The following FAM193A variants were observed in gnomAD, a reference collection of about 807,000 sequenced individuals.
The protein encoded by FAM193A is family with sequence similarity 193 member A, also known as protein FAM193A.
In FAM193A, 22 loss-of-function variants were observed where a neutral mutation model predicts 126.5. That is an observed-to-expected ratio of 0.17 (90% CI 0.12 to 0.25). The LOEUF is 0.25. FAM193A is among the 10% of genes least tolerant of loss of function. FAM193A has a pLI of 1.00. For missense variants in FAM193A, 1,675 were observed against 1,672.8 expected (o/e 1.00, Z -0.02); for synonymous variants, 761 against 646.8 (o/e 1.18, Z -2.68).
intron 1 of FAM193A, among the ~76,000 whole-genome samples, chr4:2,567,199 T>A (rs751453665): frequency 1.5e-4 from 23 of 151,800 alleles, no homozygotes; most frequent in Non-Finnish European, 3.1e-4. Context: ...CCACCCGCCT[T>A]TGCCTCCCAA....
intron 13 of FAM193A, among the ~76,000 whole-genome samples, chr4:2,681,987 G>GTT (rs1346813634): frequency 0.019 from 2,267 of 121,822 alleles, 114 homozygotes; most frequent in African/African-American, 0.067. Context: ...TTTTTTTTTG[G>GTT]TTTTTTTTTT....
At chr4:2,563,533 A>C (rs1738754881) in intron 1 of FAM193A, among the ~76,000 whole-genome samples, 1 of 151,890 alleles carries the variant, frequency 6.6e-6, no homozygotes, top group East Asian at 1.9e-4. Flanking sequence ...TACAAAAAAA[A>C]ACAAAAAAAA....
intron 13 of FAM193A, among the ~76,000 whole-genome samples, chr4:2,683,570 G>A (rs1335602234): frequency 6.6e-6 from 1 of 152,240 alleles, no homozygotes; most frequent in Non-Finnish European, 1.5e-5. Flanking sequence ...TGAGATTACA[G>A]GCATGAGCCA....
chr4:2,607,310 CT>C (rs1403942706), intron 2 of FAM193A, among the ~76,000 whole-genome samples: 1 of 152,188 alleles, frequency 6.6e-6, no homozygotes, highest in Non-Finnish European at 1.5e-5. Context: ...CACTAGCATG[CT>C]TTGCTCCTGC....
rs574340511 is a variant in FAM193A at position 2,556,030 on chromosome 4, G to T, written c.255+18860G>T. Among the ~76,000 whole-genome samples the T allele has an allele frequency of 2.0e-5, 3 of 151,924 alleles. No individual in the cohort carries two copies. The East Asian group carries it at 5.8e-4, about 29-fold the overall frequency. Reference sequence around the variant, plus strand: ...CCCTGTCTCAGCCTCCCGAGTAGCTGGGATTACAGGCATGTGCCACCACGC... The same window carrying T: ...CCCTGTCTCAGCCTCCCGAGTAGCTTGGATTACAGGCATGTGCCACCACGC... On this transcript the variant is annotated intron_variant, in intron 1 of 20. Transcript: ENST00000637812.
At chr4:2,603,962 C>A (rs1741375416) in intron 2 of FAM193A, among the ~76,000 whole-genome samples, 2 of 152,012 alleles carry the variant, frequency 1.3e-5, no homozygotes, top group Non-Finnish European at 2.9e-5. Context: ...CATGCCTCAG[C>A]CTTCTGAGCA....
At chr4:2,675,054 C>T (rs1714242158) in intron 13 of FAM193A, among the ~76,000 whole-genome samples, 1 of 152,130 alleles carries the variant, frequency 6.6e-6, no homozygotes, top group African/African-American at 2.4e-5. Flanking sequence ...GATCTCCCAA[C>T]TATCTTTTTG....
intron 20 of FAM193A, among the ~76,000 whole-genome samples, chr4:2,725,405 G>A (rs572500726): frequency 2.0e-4 from 26 of 130,866 alleles, no homozygotes; most frequent in Admixed American, 3.6e-4. Context: ...AGCTGTGATC[G>A]TACCACTGCA....
At chr4:2,602,215 A>T (rs1010287800) in intron 2 of FAM193A, among the ~76,000 whole-genome samples, 10 of 110,810 alleles carry the variant, frequency 9.0e-5, no homozygotes, top group African/African-American at 2.3e-4. Context: ...AATGTGATTT[A>T]AAAAAAAAAA....
At position 2,721,170 on chromosome 4, in the gene FAM193A, A is replaced by G. The variant is rs372986111; in HGVS notation, c.4454+5066A>G. Among the ~76,000 whole-genome samples, 130 of 151,792 alleles carry G rather than the reference A, an allele frequency of 8.6e-4. No homozygotes were observed. The East Asian group carries it at 0.021, about 25-fold the overall frequency. ...CTACTAAAAATACAAAAAATTAGCC[A>G]GGCGTGGTGGCGGGCACCTGTAGTC... On this transcript the variant is annotated intron_variant, in intron 20 of 20. Transcript: ENST00000637812.
At chr4:2,628,853 CTTT>C (rs71178496) in intron 4 of FAM193A, among the ~76,000 whole-genome samples, 5 of 71,702 alleles carry the variant, frequency 7.0e-5, no homozygotes, top group Non-Finnish European at 1.1e-4. Flanking sequence ...CTGTCTCTCT[CTTT>C]TTTTTTTTTT....
At chr4:2,723,068 T>C (rs537152144) in intron 20 of FAM193A, among the ~76,000 whole-genome samples, 2 of 152,076 alleles carry the variant, frequency 1.3e-5, no homozygotes, top group African/African-American at 4.8e-5. Context: ...GGTCAGGAGA[T>C]CGAGACCATC....
intron 1 of FAM193A, among the ~76,000 whole-genome samples, chr4:2,579,431 C>T (rs1739795657): frequency 6.6e-6 from 1 of 152,136 alleles, no homozygotes; most frequent in South Asian, 2.1e-4. Flanking sequence ...GACGTGGTGG[C>T]TCACACCTGT....
At chr4:2,717,603 A>G (rs1291046997) in intron 20 of FAM193A, among the ~76,000 whole-genome samples, 2 of 151,112 alleles carry the variant, frequency 1.3e-5, no homozygotes, top group Non-Finnish European at 3.0e-5. Context: ...CTCAGGAAAA[A>G]AAAAAAAAAA....
At chr4:2,662,753 A>G (rs1021155535) in intron 10 of FAM193A, 85 bp from the exon 11 acceptor site, 3 of 1,050,554 alleles carry the variant, frequency 2.9e-6, no homozygotes, top group Non-Finnish European at 4.3e-6. Flanking sequence ...TGATCTGTCC[A>G]GGAAATATCT....
At chr4:2,728,024 C>T (rs896541590) in intron 20 of FAM193A, among the ~76,000 whole-genome samples, 28 of 151,994 alleles carry the variant, frequency 1.8e-4, no homozygotes, top group African/African-American at 5.8e-4. Flanking sequence ...CTCCGCCTGC[C>T]GGGTTCAAGC....
intron 1 of FAM193A, among the ~76,000 whole-genome samples, chr4:2,560,779 T>G (rs1738563539): frequency 6.6e-6 from 1 of 152,152 alleles, no homozygotes; most frequent in South Asian, 2.1e-4. Context: ...TGTATTCAGA[T>G]TGTGTCTTTC....
At position 2,582,477 on chromosome 4, in the gene FAM193A, CTCTT is replaced by C. The variant is rs554991455; in HGVS notation, c.256-13598_256-13595del. On this transcript the variant is annotated intron_variant, in intron 1 of 20. Transcript: ENST00000637812. ...CCTTCCTTCTCCTTCCCTCCTCTCT[CTCTT>C]TCTTTCTTATTTTCATAGTCTTAGT... Among the ~76,000 whole-genome samples, 28 of 152,194 alleles carry C rather than the reference CTCTT, an allele frequency of 1.8e-4. No individual in the cohort carries two copies. In the South Asian group the frequency reaches 4.4e-3, roughly 24 times the overall value.
rs1736907542 is a variant in FAM193A at position 2,536,883 on chromosome 4, C to G, written c.-33C>G. On this transcript the variant is annotated 5_prime_UTR_variant, in exon 1 of 21. Coordinates refer to ENST00000637812, the MANE Select transcript of FAM193A (RefSeq NM_001366318.2). ...GCCCTCCGCCGCCGCCCGCGGCCCC[C>G]GCGCCCGCTCTGCGCCCCTCTCCCC... The G allele has an allele frequency of 1.3e-5, 2 of 148,188 alleles. No homozygotes were observed. Among genetic ancestry groups the G allele is most frequent in the Non-Finnish European group, 3.0e-5 (2 of 66,654 alleles). 9.2% of individuals were successfully genotyped at this position (148,188 alleles called of 1,614,324 possible).
Sources: allele counts gnomAD v4.1 joint callset (sites outside exome capture counted in the v4.1 genomes callset), GRCh38; gene constraint gnomAD v4.1.1; transcripts MANE v1.5; gene names NCBI Gene and HGNC (gene_info 2026-07-23, HGNC 2026-07-21).